KDM6A: variants seen among roughly 807,000 people sequenced by gnomAD.
KDM6A encodes lysine-specific demethylase 6A.
In KDM6A, 11 loss-of-function variants were observed where a neutral mutation model predicts 117.6. The ratio of observed to expected loss-of-function variants is 0.09; its 90% CI spans 0.06 to 0.15. The LOEUF is 0.15. Among genes scored for constraint, KDM6A ranks in the 10% least tolerant of loss-of-function variants. The pLI is 1.00. For missense variants in KDM6A, 799 were observed against 1,077.3 expected, an observed-to-expected ratio of 0.74 and a Z score of 3.62; for synonymous variants, 384 against 396.1, an observed-to-expected ratio of 0.97 and a Z score of 0.36.
chrX:45,060,316 A>G (rs937808423), intron 13 of KDM6A, among the ~76,000 whole-genome samples, 160 bp downstream of exon 13: 1 of 112,289 alleles, frequency 8.9e-6, no homozygotes, highest in African/African-American at 3.2e-5. Context: ...AATTCCCTCT[A>G]ATATGGGAAG....
chrX:45,101,955 G>T (rs1278597426), intron 27 of KDM6A, among the ~76,000 whole-genome samples: 1 of 111,047 alleles, frequency 9.0e-6, no homozygotes, highest in African/African-American at 3.3e-5. Flanking sequence ...TGAGGAAACT[G>T]AGGCACAGAG....
chrX:44,996,816 C>G (rs2040881378), intron 4 of KDM6A, among the ~76,000 whole-genome samples: 1 of 111,750 alleles, frequency 8.9e-6, no homozygotes, highest in African/African-American at 3.3e-5. Context: ...CTATAGGGAT[C>G]AAAGCATGAC....
Position 45,098,531 on chromosome X carries a change from G to T in KDM6A, c.4034+7667G>T, listed in dbSNP as rs1196439720. Among the ~76,000 whole-genome samples, 3 of 112,816 alleles carry T rather than the reference G, an allele frequency of 2.7e-5. No individual in the cohort carries two copies. In the Admixed American group the frequency reaches 2.8e-4, roughly 11 times the overall value. ...GAGATAAAGAAGAAATGAGTTGGGT[G>T]TAGAGAATGATGGTTATCAACTTGA... is the stretch of plus-strand genomic sequence containing the variant. On this transcript the variant is annotated intron_variant, in intron 27 of 29. Transcript: ENST00000611820.
intron 10 of KDM6A, among the ~76,000 whole-genome samples, chrX:45,058,682 C>CGTGT (rs1002207738): frequency 9.2e-6 from 1 of 108,698 alleles, no homozygotes; most frequent in Non-Finnish European, 1.9e-5. Context: ...GGAAGAGTGC[C>CGTGT]GTGTGTGTGT....
intron 10 of KDM6A, among the ~76,000 whole-genome samples, chrX:45,058,537 C>A (rs569466439): frequency 9.1e-6 from 1 of 110,360 alleles, no homozygotes; most frequent in Middle Eastern, 4.7e-3. Flanking sequence ...AGAATTATTG[C>A]CCTCAGTGTT....
chrX:44,964,002 T>TG (rs1284739718), intron 3 of KDM6A, among the ~76,000 whole-genome samples: 3 of 110,172 alleles, frequency 2.7e-5, no homozygotes, highest in African/African-American at 9.9e-5. Context: ...TACACAGGCA[T>TG]GAGCCACTGC....
At chrX:44,911,391 G>A (rs1280123608) in intron 2 of KDM6A, among the ~76,000 whole-genome samples, 1 of 110,134 alleles carries the variant, frequency 9.1e-6, no homozygotes, top group Non-Finnish European at 1.9e-5. Context: ...CCCAGACAGG[G>A]TCGCGGCCGG....
At chrX:45,068,344 A>T (rs1474438806) in intron 17 of KDM6A, among the ~76,000 whole-genome samples, 1 of 110,550 alleles carries the variant, frequency 9.0e-6, no homozygotes, top group African/African-American at 3.3e-5. Context: ...TTCAGGTAAA[A>T]ATTAGTTCCA....
intron 4 of KDM6A, among the ~76,000 whole-genome samples, chrX:44,987,018 G>A (rs1266951404): frequency 2.7e-5 from 3 of 111,331 alleles, no homozygotes; most frequent in African/African-American, 9.8e-5. Context: ...GGGTGTTAAA[G>A]TCTCCCATTA....
chrX:45,042,253 TGGAGGGA>T, intron 8 of KDM6A, among the ~76,000 whole-genome samples: 1 of 40,392 alleles, frequency 2.5e-5, no homozygotes, highest in African/African-American at 2.2e-4. Context: ...AAGGAGACCG[TGGAGGGA>T]GAGGGGAGAG....
At chrX:44,889,912 G>C (rs1217018317) in intron 2 of KDM6A, among the ~76,000 whole-genome samples, 1 of 112,428 alleles carries the variant, frequency 8.9e-6, no homozygotes, top group Non-Finnish European at 1.9e-5. Flanking sequence ...AATAGAGCTA[G>C]TGTGTGCTTT....
chrX:44,899,201 G>A (rs1207627712), intron 2 of KDM6A, among the ~76,000 whole-genome samples: 1 of 93,263 alleles, frequency 1.1e-5, no homozygotes, highest in Non-Finnish European at 2.1e-5. Flanking sequence ...GGGAGGGGGA[G>A]GAAGGGAGGG....
At chrX:44,975,037 C>T (rs2039549542) in intron 4 of KDM6A, among the ~76,000 whole-genome samples, 1 of 111,075 alleles carries the variant, frequency 9.0e-6, no homozygotes, top group Non-Finnish European at 1.9e-5. Flanking sequence ...AAAGTTGGTA[C>T]CTGGGAGTAA....
intron 10 of KDM6A, among the ~76,000 whole-genome samples, chrX:45,055,028 C>T (rs1022706484): frequency 9.0e-6 from 1 of 111,457 alleles, no homozygotes; most frequent in African/African-American, 3.3e-5. Context: ...CTCCAAATGT[C>T]AATTATGCTG....
chrX:44,998,547 C>T (rs1015065144), intron 4 of KDM6A, among the ~76,000 whole-genome samples: 5 of 111,367 alleles, frequency 4.5e-5, no homozygotes, highest in Non-Finnish European at 7.5e-5. Context: ...CACCTTCCCC[C>T]TTTTTTTATT....
At chrX:45,079,070 TTA>T in intron 20 of KDM6A, 74 bp from the exon 21 acceptor site, 1 of 891,638 alleles carries the variant, frequency 1.1e-6, no homozygotes, top group Non-Finnish European at 1.6e-6. Context: ...CCTTCTTCCT[TTA>T]AAAAAAAAAA....
chrX:44,980,996 A>C, intron 4 of KDM6A, among the ~76,000 whole-genome samples: 1 of 110,227 alleles, frequency 9.1e-6, no homozygotes, highest in South Asian at 3.9e-4. Context: ...CCCCTACTTC[A>C]TGTTTTTATA....
chrX:44,894,074 C>G (rs926651097), intron 2 of KDM6A, among the ~76,000 whole-genome samples: 2 of 111,427 alleles, frequency 1.8e-5, no homozygotes, highest in Non-Finnish European at 3.8e-5. Flanking sequence ...AAGATCATGA[C>G]AAGAATATGG....
chrX:44,881,757 G>A (rs1485804582), intron 2 of KDM6A, among the ~76,000 whole-genome samples: 3 of 105,332 alleles, frequency 2.8e-5, no homozygotes, highest in South Asian at 4.4e-4. Context: ...TCGCAATCTC[G>A]ACTCACTGCA....
Sources: gnomAD v4.1 joint callset for allele counts (sites outside exome capture counted in the v4.1 genomes callset) on GRCh38, gnomAD v4.1.1 for gene constraint, MANE v1.5 for transcripts, NCBI Gene and HGNC (gene_info 2026-07-23, HGNC 2026-07-21) for gene names.